MRPS24: variants seen among roughly 807,000 people sequenced by gnomAD.
The protein encoded by MRPS24 is mitochondrial ribosomal protein S24.
In MRPS24, 15 loss-of-function variants were observed where a neutral mutation model predicts 21.8. That is an observed-to-expected ratio of 0.69 (90% CI 0.46 to 1.06). The LOEUF is 1.06. MRPS24 is among the 50% of genes least tolerant of loss of function. The pLI is 0.00. For missense variants in MRPS24, 224 were observed against 219.1 expected, an observed-to-expected ratio of 1.02 and a Z score of -0.14; for synonymous variants, 93 against 93.7, an observed-to-expected ratio of 0.99 and a Z score of 0.04.
chr7:43,866,591 G>A lies in MRPS24; in HGVS notation c.*108C>T. Reference sequence around the variant, plus strand: ...AAGGTCTTTATTCAATAGCAGATGAGAGACTATGCCTCAGTCCTCTGAGGG... The same window carrying A: ...AAGGTCTTTATTCAATAGCAGATGAAAGACTATGCCTCAGTCCTCTGAGGG... On this transcript the variant is annotated 3_prime_UTR_variant, in exon 4 of 4. Transcript: ENST00000317534. 1 of 1,265,874 alleles carries A rather than the reference G, an allele frequency of 7.9e-7. No homozygotes were observed. The highest frequency in any genetic ancestry group is 1.1e-6 in the Non-Finnish European group (1 of 901,780). 78.4% of individuals were successfully genotyped at this position (1,265,874 alleles called of 1,614,324 possible).
chr7:43,868,459 C>A (rs1389348678), intron 3 of MRPS24: 1 of 152,446 alleles, frequency 6.6e-6, no homozygotes, highest in Non-Finnish European at 1.5e-5. Flanking sequence ...TTGGGGCTTA[C>A]AAATAAATTT....
In MRPS24 at chr7:43,869,513, G is replaced by T; in HGVS notation, c.-18C>A. 6.4e-7 allele frequency: 1 copy of T among 1,560,654 alleles called. No individual in the cohort carries two copies. Among genetic ancestry groups the T allele is most frequent in the Non-Finnish European group, 8.7e-7 (1 of 1,155,582 alleles). On this transcript the variant is annotated 5_prime_UTR_variant, in exon 1 of 4. Transcript: ENST00000317534. The surrounding 1 kb of genome is among the most constrained non-coding windows in gnomAD (Gnocchi z 4.8). ...GCCGCCATCTTGGGCCAAGCGGAGCGCGGGACGTACCACAGCGCGCTGAGG... is the reference window on the plus strand; with the variant it reads ...GCCGCCATCTTGGGCCAAGCGGAGCTCGGGACGTACCACAGCGCGCTGAGG...
chr7:43,868,156 A>C (rs1290170140), intron 3 of MRPS24: 2 of 152,252 alleles, frequency 1.3e-5, no homozygotes, highest in Non-Finnish European at 2.9e-5. Flanking sequence ...TGACTGAAGA[A>C]AGATTCTCTA....
At chr7:43,868,707 A>G in intron 3 of MRPS24, 2 of 460,080 alleles carry the variant, frequency 4.3e-6, no homozygotes, top group Non-Finnish European at 3.8e-6. Flanking sequence ...AGACATGCAA[A>G]TAATTTCTGT....
Position 43,869,061 on chromosome 7 carries a change from C to T in MRPS24, c.122G>A (p.Arg41Gln). ...CTTGTCCCCCTTGCTTACGCGTACT[C>T]GGGCCGCCCGGTTCTAGGAGCAAAA... ...SPVCAKNRAA[R>Q]VRVSKGDKPV... The change falls in exon 3 of 4, where the codon CGA becomes CAA. Residue 41 changes from arginine (R) to glutamine (Q), a missense_variant. Coordinates refer to ENST00000317534, the MANE Select transcript of MRPS24 (RefSeq NM_032014.3). This position sits in a 1 kb window ranked among gnomAD's most constrained non-coding sequence, Gnocchi z 4.8. 1 of 1,612,790 alleles carries T rather than the reference C, an allele frequency of 6.2e-7. No individual in the cohort carries two copies. The highest frequency in any genetic ancestry group is 8.5e-7 in the Non-Finnish European group (1 of 1,179,972).
At position 43,869,175 on chromosome 7, in the gene MRPS24, C is replaced by A; in HGVS notation, c.109-101G>T. The A allele has an allele frequency of 6.7e-7, 1 of 1,484,038 alleles. No homozygotes were observed. The highest frequency in any genetic ancestry group is 8.9e-7 in the Non-Finnish European group (1 of 1,117,906). The allele number at this position is 1,484,038 out of a possible 1,614,324, so 91.9% of individuals were successfully genotyped here. A position where few individuals can be genotyped will look rare whatever the true frequency, so the allele number is the denominator to read the frequency against. On this transcript the variant is annotated intron_variant, in intron 2 of 3. Transcript: ENST00000317534. This position sits in a 1 kb window ranked among gnomAD's most constrained non-coding sequence, Gnocchi z 4.8. ...GCTGGCACTGTTCCCCGGCCCCAAT[C>A]CCCTGATCCCTAAGCCCCGACCCTA...
At position 43,869,131 on chromosome 7, in the gene MRPS24, C is replaced by A; in HGVS notation, c.109-57G>T. ...ATCCCCGATCCAGACCCCTACTTCG[C>A]GCCATGTCCCCCCAGTCAGCTGGCA... On this transcript the variant is annotated intron_variant, in intron 2 of 3. Coordinates refer to ENST00000317534, the MANE Select transcript of MRPS24 (RefSeq NM_032014.3). This position sits in a 1 kb window ranked among gnomAD's most constrained non-coding sequence, Gnocchi z 4.8. 6.4e-7 allele frequency: 1 copy of A among 1,558,664 alleles called. No homozygotes were observed.
rs756166522 is a variant in MRPS24 at position 43,866,742 on chromosome 7, TG to T, written c.460del (p.His154ThrfsTer47). The T allele has an allele frequency of 6.2e-7, 1 of 1,614,046 alleles. No homozygotes were observed. The highest frequency in any genetic ancestry group is 1.7e-5 in the Admixed American group (1 of 60,006). On this transcript the variant is annotated frameshift_variant, in exon 4 of 4. Coordinates refer to ENST00000317534, the MANE Select transcript of MRPS24 (RefSeq NM_032014.3). LOFTEE classifies it high-confidence loss of function. The part of the protein sequence containing the change: ...SYFYKCPVRL[H>X]LQTVPSKVVY... ...AACCTTTGAGGGCACAGTTTGGAGG[TG>T]GAGTCGCACAGGACATTTGTAAAAG...
chr7:43,868,863 G>A, intron 3 of MRPS24, 100 bp downstream of exon 3: 2 of 1,402,544 alleles, frequency 1.4e-6, no homozygotes, highest in South Asian at 1.3e-5. Flanking sequence ...TCTGACCCTA[G>A]CATTATTTCC....
At position 43,866,901 on chromosome 7, in the gene MRPS24, G is replaced by A. The variant is rs765211615; in HGVS notation, c.302C>T (p.Pro101Leu). ...AACCAGCTGGTCAGCCAGGCAGCCT[G>A]GGAAGGTACCCCACATGAACTTGCG... ...FLRKFMWGTF[P>L]GCLADQLVLK... is the part of the protein sequence containing the mutation. The change falls in exon 4 of 4, where the codon CCA (proline) becomes CTA (leucine). Residue 101 changes from proline to leucine, a missense_variant. By Grantham distance (98) the Pro-to-Leu change is moderately conservative. Coordinates refer to ENST00000317534, the MANE Select transcript of MRPS24 (RefSeq NM_032014.3). 2.5e-6 allele frequency: 4 copies of A among 1,614,176 alleles called. No homozygotes were observed. The highest frequency in any genetic ancestry group is 3.4e-6 in the Non-Finnish European group (4 of 1,180,010).
In MRPS24 at chr7:43,869,195, A is replaced by C. The variant is rs1585775774; in HGVS notation, c.108+113T>G. 6.8e-7 allele frequency: 1 copy of C among 1,463,162 alleles called. No homozygotes were observed. The highest frequency in any genetic ancestry group is 9.0e-7 in the Non-Finnish European group (1 of 1,111,316). 90.6% of individuals were successfully genotyped at this position (1,463,162 alleles called of 1,614,324 possible). Reference sequence around the variant, plus strand: ...CCAATCCCCTGATCCCTAAGCCCCGACCCTAGCCCCGCCTCGGACCCCAGC... The same window carrying C: ...CCAATCCCCTGATCCCTAAGCCCCGCCCCTAGCCCCGCCTCGGACCCCAGC... On this transcript the variant is annotated intron_variant, in intron 2 of 3. Transcript: ENST00000317534. The surrounding 1 kb of genome is among the most constrained non-coding windows in gnomAD (Gnocchi z 4.8).
chr7:43,868,258 G>C (rs575539270), intron 3 of MRPS24: 9 of 152,086 alleles, frequency 5.9e-5, no homozygotes, highest in African/African-American at 2.2e-4. Context: ...ATTTTAAACA[G>C]CAAAATCACT....
At position 43,869,424 on chromosome 7, in the gene MRPS24, A is replaced by C; in HGVS notation, c.39+33T>G. On this transcript the variant is annotated intron_variant, in intron 1 of 3. Transcript: ENST00000317534. The surrounding 1 kb of genome is among the most constrained non-coding windows in gnomAD (Gnocchi z 4.8). ...GCGGAAACTAGGGACCCCACCTCCG[A>C]CTCGCAGGGACCTGCCGAGTCGCCC... is the stretch of plus-strand genomic sequence containing the variant. 1 of 1,552,986 alleles carries C rather than the reference A, an allele frequency of 6.4e-7. No homozygotes were observed. Among genetic ancestry groups the C allele is most frequent in the South Asian group, 1.2e-5 (1 of 84,238 alleles).
Position 43,866,843 on chromosome 7 carries a change from A to C in MRPS24, c.360T>G (p.Cys120Trp), listed in dbSNP as rs2095836738. 1.2e-6 allele frequency: 2 copies of C among 1,614,226 alleles called. No individual in the cohort carries two copies. Among genetic ancestry groups the C allele is most frequent in the Non-Finnish European group, 1.7e-6 (2 of 1,180,036 alleles). The change falls in exon 4 of 4, where the codon TGT becomes TGG. Residue 120 changes from cysteine (C) to tryptophan (W), a missense_variant. Transcript: ENST00000317534. Reference protein sequence around the residue: ...LKRRGNQLEICAVVLRQLSPH... With the variant: ...LKRRGNQLEIWAVVLRQLSPH... ...GAGACAACTGCCTCAGGACCACGGC[A>C]CAGATCTCCAACTGGTTACCCCGGC...
intron 3 of MRPS24, among the ~76,000 whole-genome samples, chr7:43,867,185 T>C (rs1329170643): frequency 6.6e-6 from 1 of 152,140 alleles, no homozygotes; most frequent in Non-Finnish European, 1.5e-5. Context: ...GCCAATTCAG[T>C]TTAGTAGGTA....
intron 3 of MRPS24, 65 bp from the exon 4 acceptor site, chr7:43,867,047 G>C (rs1008479420): frequency 1.3e-6 from 2 of 1,552,694 alleles, no homozygotes; most frequent in African/African-American, 2.7e-5. Flanking sequence ...CATAACTCCA[G>C]AGTCAACATC....
At chr7:43,867,997 G>A (rs1383024204) in intron 3 of MRPS24, 1 of 152,158 alleles carries the variant, frequency 6.6e-6, no homozygotes, top group Non-Finnish European at 1.5e-5. Context: ...GTGAAATACA[G>A]GGTTAGATTC....
In MRPS24 at chr7:43,869,319, C is replaced by G; in HGVS notation, c.97G>C (p.Val33Leu). 1 of 1,545,080 alleles carries G rather than the reference C, an allele frequency of 6.5e-7. No individual in the cohort carries two copies. Among genetic ancestry groups the G allele is most frequent in the Non-Finnish European group, 8.7e-7 (1 of 1,146,400 alleles). ...CAWRALHTSP[V>L]CAKNRAARVR... The stretch of plus-strand genomic sequence containing the variant: ...CCGGCGGTGCTCACCTTGGCGCAGA[C>G]CGGGGAGGTGTGCAGGGCGCGCCAA... Residue 33 changes from valine (V) to leucine (L), a missense_variant, in exon 2 of 4, where the codon GTC becomes CTC. By Grantham distance (32) the Val-to-Leu change is conservative (BLOSUM62 1). Transcript: ENST00000317534. This position sits in a 1 kb window ranked among gnomAD's most constrained non-coding sequence, Gnocchi z 4.8.
Position 43,866,917 on chromosome 7 carries a change from T to TGAACTTGCGAAGGAAAACATCCTC in MRPS24, c.262_285dup (p.Glu88_Phe95dup). On this transcript the variant is annotated inframe_insertion, in exon 4 of 4. Transcript: ENST00000317534. ...AGGCAGCCTGGGAAGGTACCCCACA[T>TGAACTTGCGAAGGAAAACATCCTC]GAACTTGCGAAGGAAAACATCCTCC... is the stretch of plus-strand genomic sequence containing the variant. 1.2e-6 allele frequency: 2 copies of TGAACTTGCGAAGGAAAACATCCTC among 1,614,172 alleles called. No individual in the cohort carries two copies. Among genetic ancestry groups the TGAACTTGCGAAGGAAAACATCCTC allele is most frequent in the Non-Finnish European group, 1.7e-6 (2 of 1,180,018 alleles).
Sources: gnomAD v4.1 joint callset for allele counts (sites outside exome capture counted in the v4.1 genomes callset) on GRCh38, gnomAD v4.1.1 for gene constraint, Gnocchi (gnomAD v3.1) non-coding constraint, MANE v1.5 for transcripts, NCBI Gene and HGNC (gene_info 2026-07-23, HGNC 2026-07-21) for gene names.